CDH22: variants seen among roughly 807,000 people sequenced by gnomAD.
The protein encoded by CDH22 is cadherin-22.
CDH22 carries 30 observed loss-of-function variants against 58.4 expected under a neutral mutation model. The ratio of observed to expected loss-of-function variants is 0.51; its 90% CI spans 0.38 to 0.70. The LOEUF is 0.70. Among genes scored for constraint, CDH22 ranks in the 30% least tolerant of loss-of-function variants. The pLI is 0.00. For synonymous variants in CDH22, 513 were observed against 558.2 expected (o/e 0.92, Z 1.14); for missense variants, 1,014 against 1,233.9 (o/e 0.82, Z 2.67).
At chr20:46,189,535 G>A (rs974662362) in intron 8 of CDH22, among the ~76,000 whole-genome samples, 1 of 152,186 alleles carries the variant, frequency 6.6e-6, no homozygotes, top group African/African-American at 2.4e-5. Flanking sequence ...GGGCCATGTC[G>A]AAGGTACAGC....
chr20:46,228,697 G>A (rs1481097689), intron 3 of CDH22, among the ~76,000 whole-genome samples: 2 of 152,164 alleles, frequency 1.3e-5, no homozygotes, highest in Non-Finnish European at 2.9e-5. Context: ...CAAAGGGAAG[G>A]AGATGGAGAC....
intron 7 of CDH22, among the ~76,000 whole-genome samples, chr20:46,204,982 T>C (rs950496234): frequency 1.3e-5 from 2 of 152,156 alleles, no homozygotes; most frequent in African/African-American, 4.8e-5. Flanking sequence ...GCTGACTGAA[T>C]GATGCAGCTG....
chr20:46,225,808 G>A (rs2086167059), intron 4 of CDH22, among the ~76,000 whole-genome samples: 1 of 151,104 alleles, frequency 6.6e-6, no homozygotes, highest in African/African-American at 2.4e-5. Context: ...TTTCTTTTTA[G>A]CATTTCTTTA....
intron 3 of CDH22, among the ~76,000 whole-genome samples, chr20:46,236,536 TATATATAAATATATAA>T (rs1026698600): frequency 7.1e-6 from 1 of 140,496 alleles, no homozygotes; most frequent in African/African-American, 2.7e-5. Flanking sequence ...ATAATATATT[TATATATAAATATATAA>T]ATATAAAAAT....
intron 2 of CDH22, among the ~76,000 whole-genome samples, chr20:46,242,732 T>G (rs1041012534): frequency 6.6e-6 from 1 of 152,142 alleles, no homozygotes; most frequent in African/African-American, 2.4e-5. Context: ...TTTTTCATGA[T>G]TTTAACAACA....
Position 46,174,575 on chromosome 20 carries a change from A to G in CDH22, c.2418T>C (p.Gly806=). ...GCGCGGCCAGGGGCCGGAAGCGCGG[A>G]CCCCAGCTGCTGAGATAGGCGAAGT... is the stretch of plus-strand genomic sequence containing the variant. ...EQDFAYLSSW[G]PRFRPLAALY... The change falls in exon 12 of 12, where the codon GGT becomes GGC. Residue 806 remains glycine, a synonymous_variant. Coordinates refer to ENST00000537909, the MANE Select transcript of CDH22 (RefSeq NM_021248.3). This position sits in a 1 kb window ranked among gnomAD's most constrained non-coding sequence, Gnocchi z 4.4. The G allele has an allele frequency of 1.3e-6, 2 of 1,529,618 alleles. No homozygotes were observed. Among genetic ancestry groups the G allele is most frequent in the East Asian group, 2.5e-5 (1 of 40,284 alleles). 94.8% of individuals were successfully genotyped at this position (1,529,618 alleles called of 1,614,324 possible).
chr20:46,261,619 G>A (rs2086433504), intron 1 of CDH22, among the ~76,000 whole-genome samples: 1 of 152,142 alleles, frequency 6.6e-6, no homozygotes, highest in South Asian at 2.1e-4. Context: ...TGGCTTCCAG[G>A]GCTGCCAGTG....
chr20:46,268,274 G>T (rs1463167262), intron 1 of CDH22, among the ~76,000 whole-genome samples: 1 of 152,216 alleles, frequency 6.6e-6, no homozygotes, highest in Admixed American at 6.5e-5. Context: ...GCTGGGCCTG[G>T]CCCCGCTCCG....
intron 4 of CDH22, among the ~76,000 whole-genome samples, chr20:46,226,231 CCTTCTTCTTCTTCTTCTTCTTCTTCTT>C (rs74176857): frequency 1.2e-5 from 1 of 86,540 alleles, no homozygotes; most frequent in South Asian, 3.6e-4. Context: ...TCTGGCAACA[CCTTCTTCTTCTTCTTCTTCTTCTTCTT>C]CTTCTTCTTC....
chr20:46,230,651 C>G (rs915511711), intron 3 of CDH22, among the ~76,000 whole-genome samples: 47 of 152,276 alleles, frequency 3.1e-4, no homozygotes, highest in African/African-American at 1.1e-3. Flanking sequence ...GATATAAGCC[C>G]TTTTTGTATA....
intron 3 of CDH22, among the ~76,000 whole-genome samples, chr20:46,239,173 ATCT>A (rs1295264536): frequency 2.0e-5 from 3 of 152,172 alleles, no homozygotes; most frequent in Non-Finnish European, 2.9e-5. Flanking sequence ...AGAGGAGGGA[ATCT>A]TCTGCCTTTT....
intron 3 of CDH22, among the ~76,000 whole-genome samples, chr20:46,232,045 T>A (rs1330109950): frequency 6.6e-6 from 1 of 152,180 alleles, no homozygotes; most frequent in African/African-American, 2.4e-5. Context: ...AGAAGACCCC[T>A]GGACACCAGC....
At chr20:46,188,956 C>A (rs2425769) in intron 8 of CDH22, among the ~76,000 whole-genome samples, 14,719 of 152,092 alleles carry the variant, frequency 0.097, 919 homozygotes, top group African/African-American at 0.17. Context: ...TGAAAGCTTC[C>A]AGGCATCCAG....
At chr20:46,275,621 G>A (rs905891701) in intron 1 of CDH22, among the ~76,000 whole-genome samples, 1 of 152,144 alleles carries the variant, frequency 6.6e-6, no homozygotes, top group South Asian at 2.1e-4. Flanking sequence ...ATAGTACCTG[G>A]CATGGAAAGG....
At chr20:46,224,682 T>C (rs1179601145) in intron 4 of CDH22, among the ~76,000 whole-genome samples, 1 of 152,208 alleles carries the variant, frequency 6.6e-6, no homozygotes, top group Admixed American at 6.5e-5. Flanking sequence ...ACCCCTTGCC[T>C]AGATGAATAA....
At chr20:46,252,129 C>T (rs1439357623) in intron 1 of CDH22, among the ~76,000 whole-genome samples, 2 of 152,198 alleles carry the variant, frequency 1.3e-5, no homozygotes, top group South Asian at 2.1e-4. Context: ...CCTTGGTGCA[C>T]AGAAGTCCAG....
At chr20:46,248,142 C>T (rs942018964) in intron 2 of CDH22, among the ~76,000 whole-genome samples, 1 of 152,200 alleles carries the variant, frequency 6.6e-6, no homozygotes, top group East Asian at 1.9e-4. Flanking sequence ...TCAGTTTCCC[C>T]TCCTTCTAAT....
intron 3 of CDH22, among the ~76,000 whole-genome samples, chr20:46,229,768 A>C (rs1052471948): frequency 1.3e-5 from 2 of 152,160 alleles, no homozygotes; most frequent in East Asian, 3.9e-4. Context: ...TACATAAAGC[A>C]TCAGGCTTAT....
intron 7 of CDH22, among the ~76,000 whole-genome samples, chr20:46,207,979 G>A (rs979492772): frequency 7.2e-5 from 11 of 152,198 alleles, no homozygotes; most frequent in Non-Finnish European, 1.5e-4. Flanking sequence ...GCTGTGCACT[G>A]CACAATCCTG....
Sources: allele counts gnomAD v4.1 joint callset (sites outside exome capture counted in the v4.1 genomes callset), GRCh38; gene constraint gnomAD v4.1.1; non-coding constraint Gnocchi (gnomAD v3.1); transcripts MANE v1.5; gene names NCBI Gene and HGNC (gene_info 2026-07-23, HGNC 2026-07-21).